Variants in HPSE2 observed in about 807,000 individuals in gnomAD.
HPSE2 encodes the protein inactive heparanase-2.
HPSE2 carries 38 observed loss-of-function variants against 60.5 expected under a neutral mutation model. That is an observed-to-expected ratio of 0.63 (90% CI 0.48 to 0.82). The LOEUF (loss-of-function observed/expected upper bound fraction) is 0.82, where lower values mean the gene tolerates loss of function less well. Among genes scored for constraint, HPSE2 ranks in the 40% least tolerant of loss-of-function variants. HPSE2 has a pLI of 0.00. For synonymous variants in HPSE2, 295 were observed against 293.2 expected, an observed-to-expected ratio of 1.01 and a Z score of -0.06; for missense variants, 713 against 740.4, an observed-to-expected ratio of 0.96 and a Z score of 0.43.
intron 3 of HPSE2, among the ~76,000 whole-genome samples, chr10:98,807,268 C>G (rs1443950697): frequency 6.6e-6 from 1 of 152,146 alleles, no homozygotes; most frequent in Admixed American, 6.5e-5. Context: ...CCATTTTAAC[C>G]ATTTTAAGAG....
intron 3 of HPSE2, among the ~76,000 whole-genome samples, chr10:99,035,259 G>A (rs1015443642): frequency 6.6e-6 from 1 of 152,168 alleles, no homozygotes; most frequent in African/African-American, 2.4e-5. Context: ...TTCTATAAAC[G>A]TTTTTCTATT....
At chr10:98,673,730 G>C (rs1201388993) in intron 6 of HPSE2, among the ~76,000 whole-genome samples, 2 of 151,968 alleles carry the variant, frequency 1.3e-5, no homozygotes, top group African/African-American at 4.8e-5. Context: ...AACAGATTAT[G>C]AAATATACCT....
chr10:99,069,116 G>T (rs1243845262), intron 3 of HPSE2, among the ~76,000 whole-genome samples: 1 of 152,116 alleles, frequency 6.6e-6, no homozygotes, highest in East Asian at 1.9e-4. Flanking sequence ...CATTCTATAA[G>T]TTCAGTACTT....
intron 9 of HPSE2, among the ~76,000 whole-genome samples, chr10:98,495,134 A>C (rs1323537794): frequency 6.6e-6 from 1 of 152,088 alleles, no homozygotes; most frequent in Admixed American, 6.5e-5. Context: ...CCTACTTTTG[A>C]AGAAAAAATT....
Position 98,937,801 on chromosome 10 carries a change from C to T in HPSE2, c.611-193745G>A, listed in dbSNP as rs1455295085. 2.1e-5 allele frequency among the ~76,000 whole-genome samples: 3 copies of T among 142,668 alleles called. 1 individual carries two copies. Among genetic ancestry groups the T allele is most frequent in the Non-Finnish European group, 4.5e-5 (3 of 66,878 alleles). The allele number at this position is 142,668 out of a possible 152,430, so 93.6% of individuals were successfully genotyped here. A position where few individuals can be genotyped will look rare whatever the true frequency, so the allele number is the denominator to read the frequency against. On this transcript the variant is annotated intron_variant, in intron 3 of 11. Coordinates refer to ENST00000370552, the MANE Select transcript of HPSE2 (RefSeq NM_021828.5). Reference sequence around the variant, plus strand: ...ACTGCCTCCTCAAGTGGGTCCCTGACCCCTGACCCCCAAGCAGCCTAACTG... The same window carrying T: ...ACTGCCTCCTCAAGTGGGTCCCTGATCCCTGACCCCCAAGCAGCCTAACTG...
intron 9 of HPSE2, among the ~76,000 whole-genome samples, chr10:98,555,962 T>G (rs2133862857): frequency 6.6e-6 from 1 of 152,284 alleles, no homozygotes; most frequent in South Asian, 2.1e-4. Context: ...GAAAGCATAC[T>G]AAGAACTCTA....
At chr10:98,733,035 G>C (rs759114981) in intron 4 of HPSE2, among the ~76,000 whole-genome samples, 3 of 152,152 alleles carry the variant, frequency 2.0e-5, no homozygotes, top group Admixed American at 6.5e-5. Context: ...AGTCACTAGG[G>C]AAGAGCAACT....
chr10:99,300,945 C>G, the HPSE2 span, among the ~76,000 whole-genome samples: 1 of 152,074 alleles, frequency 6.6e-6, no homozygotes, highest in East Asian at 1.9e-4. Flanking sequence ...ATGTAACACC[C>G]CCATTTTACC....
chr10:98,478,995 C>T (rs754654363), intron 11 of HPSE2, among the ~76,000 whole-genome samples: 1 of 152,158 alleles, frequency 6.6e-6, no homozygotes, highest in Non-Finnish European at 1.5e-5. Context: ...CTAGACCATA[C>T]ATAAATAGTG....
At chr10:99,221,498 A>AT (rs1482290064) in intron 2 of HPSE2, among the ~76,000 whole-genome samples, 1 of 152,238 alleles carries the variant, frequency 6.6e-6, no homozygotes, top group East Asian at 1.9e-4. Context: ...GAATACGAAA[A>AT]TGGCCACAAG....
In HPSE2 at chr10:98,482,689, C is replaced by G. The variant is rs1456829257; in HGVS notation, c.1560G>C (p.Lys520Asn). 2 of 1,614,058 alleles carry G rather than the reference C, an allele frequency of 1.2e-6. No homozygotes were observed. Among genetic ancestry groups the G allele is most frequent in the Non-Finnish European group, 8.5e-7 (1 of 1,180,046 alleles). The change falls in exon 11 of 12, where the codon AAG becomes AAC. Residue 520 changes from lysine to asparagine, a missense_variant. Physicochemically the swap from Lys to Asn is moderately conservative, Grantham distance 94. Transcript: ENST00000370552. ...KIKLAGTLRD[K>N]LVHQYLLQPY... is the part of the protein sequence containing the mutation. The stretch of plus-strand genomic sequence containing the variant: ...GCTGCAGCAGGTACTGGTGAACCAG[C>G]TTGTCTCTGAGAGTCCCAGCCAGCT...
chr10:98,511,779 A>G (rs1942416801), intron 9 of HPSE2, among the ~76,000 whole-genome samples: 1 of 152,198 alleles, frequency 6.6e-6, no homozygotes, highest in South Asian at 2.1e-4. Flanking sequence ...TGAGAATGAA[A>G]TAACTGCAAG....
At position 99,152,184 on chromosome 10, in the gene HPSE2, G is replaced by A. The variant is rs192424837; in HGVS notation, c.449-7785C>T. 8.8e-3 allele frequency among the ~76,000 whole-genome samples: 1,343 copies of A among 151,882 alleles called. 15 individuals carry two copies. The highest frequency in any genetic ancestry group is 0.012 in the Non-Finnish European group (810 of 67,956). On this transcript the variant is annotated intron_variant, in intron 2 of 11. Coordinates refer to ENST00000370552, the MANE Select transcript of HPSE2 (RefSeq NM_021828.5). Reference sequence around the variant, plus strand: ...AAATTAGCCAGGCATGGTGGCAGGCGCCTGTAGTCCCAGCTACTTGGGAGG... The same window carrying A: ...AAATTAGCCAGGCATGGTGGCAGGCACCTGTAGTCCCAGCTACTTGGGAGG...
intron 2 of HPSE2, among the ~76,000 whole-genome samples, chr10:99,197,549 TAAGAA>T (rs1848442958): frequency 6.6e-6 from 1 of 152,090 alleles, no homozygotes; most frequent in Admixed American, 6.5e-5. Context: ...ATAATACTGC[TAAGAA>T]AAGAATGAGT....
chr10:98,984,764 A>C (rs1345145455), intron 3 of HPSE2, among the ~76,000 whole-genome samples: 1 of 152,234 alleles, frequency 6.6e-6, no homozygotes, highest in Non-Finnish European at 1.5e-5. Context: ...AGGAATGGCT[A>C]ACTAGAATAA....
At chr10:98,795,198 G>A (rs1950752846) in intron 3 of HPSE2, among the ~76,000 whole-genome samples, 1 of 152,176 alleles carries the variant, frequency 6.6e-6, no homozygotes, top group South Asian at 2.1e-4. Flanking sequence ...GAAAATCACT[G>A]TCACAAGAAC....
intron 9 of HPSE2, among the ~76,000 whole-genome samples, chr10:98,498,119 C>T (rs901286582): frequency 6.6e-6 from 1 of 152,126 alleles, no homozygotes; most frequent in Non-Finnish European, 1.5e-5. Flanking sequence ...GATTGCAGCT[C>T]CAACTCGGAC....
chr10:99,074,892 G>A (rs1842909553), intron 3 of HPSE2, among the ~76,000 whole-genome samples: 1 of 152,026 alleles, frequency 6.6e-6, no homozygotes, highest in African/African-American at 2.4e-5. Flanking sequence ...GGTATCAATT[G>A]TAATGTCTCC....
intron 2 of HPSE2, among the ~76,000 whole-genome samples, chr10:99,177,815 T>G (rs1174320579): frequency 6.6e-6 from 1 of 152,200 alleles, no homozygotes; most frequent in African/African-American, 2.4e-5. Flanking sequence ...CGACAGATTA[T>G]ACATTCTTCT....
Sources: gnomAD v4.1 joint callset for allele counts (sites outside exome capture counted in the v4.1 genomes callset) on GRCh38, gnomAD v4.1.1 for gene constraint, MANE v1.5 for transcripts, NCBI Gene and HGNC (gene_info 2026-07-23, HGNC 2026-07-21) for gene names.